The following ANO4 variants were observed in gnomAD, a reference collection of about 807,000 sequenced individuals.
ANO4 encodes anoctamin 4, also known as anoctamin-4.
A neutral mutation model predicts 141.9 loss-of-function variants in ANO4; 69 were observed. That is an observed-to-expected ratio of 0.49 (90% confidence interval 0.40 to 0.59). The LOEUF is 0.59. ANO4 is among the 20% of genes least tolerant of loss of function. The pLI, the probability that ANO4 is intolerant of heterozygous loss-of-function variation, is 0.00. For synonymous variants in ANO4, 350 were observed against 394.3 expected (o/e 0.89, Z 1.33); for missense variants, 894 against 1,162.2 (o/e 0.77, Z 3.36).
At chr12:101,000,511 G>A (rs139524515) in intron 8 of ANO4, among the ~76,000 whole-genome samples, 85 of 152,258 alleles carry the variant, frequency 5.6e-4, no homozygotes, top group African/African-American at 1.9e-3. Context: ...ATTGATTTAC[G>A]TAGGATTAAG....
At chr12:100,948,809 C>T (rs2042851525) in intron 5 of ANO4, among the ~76,000 whole-genome samples, 1 of 152,086 alleles carries the variant, frequency 6.6e-6, no homozygotes, top group African/African-American at 2.4e-5. Flanking sequence ...GGACCTGTGG[C>T]TTATATTTAA....
intron 17 of ANO4, among the ~76,000 whole-genome samples, chr12:101,090,662 G>A (rs904993608): frequency 6.6e-6 from 1 of 151,962 alleles, no homozygotes; most frequent in African/African-American, 2.4e-5. Context: ...ACGAGTTAAC[G>A]GGTGCAGCAC....
chr12:100,911,412 G>A (rs1286549316), intron 2 of ANO4, among the ~76,000 whole-genome samples: 1 of 152,174 alleles, frequency 6.6e-6, no homozygotes, highest in East Asian at 1.9e-4. Flanking sequence ...TAAAAGCCCT[G>A]CAGTAGCTCA....
chr12:100,993,359 G>GTA (rs1273948476), intron 8 of ANO4, among the ~76,000 whole-genome samples: 1 of 152,140 alleles, frequency 6.6e-6, no homozygotes, highest in Non-Finnish European at 1.5e-5. Flanking sequence ...AATTCTTATT[G>GTA]TATGCCAGAC....
At chr12:100,988,510 G>C (rs1396732571) in intron 8 of ANO4, among the ~76,000 whole-genome samples, 1 of 148,728 alleles carries the variant, frequency 6.7e-6, no homozygotes, top group Non-Finnish European at 1.5e-5. Context: ...CCATAAAAAT[G>C]ACTTACCTGG....
intron 14 of ANO4, among the ~76,000 whole-genome samples, chr12:101,061,881 T>C (rs1040235728): frequency 1.4e-4 from 21 of 152,092 alleles, no homozygotes; most frequent in African/African-American, 5.1e-4. Flanking sequence ...CCTACTTCTG[T>C]CAATTCGTCA....
chr12:100,837,462 T>G (rs2135795616), intron 1 of ANO4, among the ~76,000 whole-genome samples: 1 of 152,136 alleles, frequency 6.6e-6, no homozygotes, highest in South Asian at 2.1e-4. Flanking sequence ...CTAACAACTG[T>G]TTGGGAGATG....
intron 14 of ANO4, among the ~76,000 whole-genome samples, chr12:101,049,328 G>A (rs2047762253): frequency 6.6e-6 from 1 of 152,088 alleles, no homozygotes; most frequent in Non-Finnish European, 1.5e-5. Flanking sequence ...TCAGGCCCCA[G>A]CTGAAATGTC....
At chr12:100,860,051 G>A (rs1373878917) in intron 1 of ANO4, among the ~76,000 whole-genome samples, 1 of 152,018 alleles carries the variant, frequency 6.6e-6, no homozygotes, top group Admixed American at 6.6e-5. Context: ...AATTTTTCAG[G>A]CACAAAGAAG....
chr12:101,014,066 G>GT (rs962828027), intron 8 of ANO4, among the ~76,000 whole-genome samples: 1 of 152,032 alleles, frequency 6.6e-6, no homozygotes. Context: ...GAGAAACTAG[G>GT]TTTTTTTCAC....
chr12:100,740,856 T>A (rs1320963430), intron 3 of ANO4, among the ~76,000 whole-genome samples: 1 of 152,218 alleles, frequency 6.6e-6, no homozygotes, highest in African/African-American at 2.4e-5. Context: ...GCCACACTGA[T>A]TCATTTCTGT....
At chr12:101,068,499 G>A (rs547089432) in intron 14 of ANO4, 63 of 1,049,088 alleles carry the variant, frequency 6.0e-5, no homozygotes, top group Admixed American at 3.1e-4. Context: ...AGTAAAGATC[G>A]CAACTTTCAT....
At chr12:100,758,165 A>G (rs2032697436) in intron 3 of ANO4, among the ~76,000 whole-genome samples, 1 of 152,172 alleles carries the variant, frequency 6.6e-6, no homozygotes, top group Non-Finnish European at 1.5e-5. Context: ...TCAGAATTGC[A>G]CTGCTCATGG....
At chr12:101,094,364 C>T (rs2049896888) in intron 18 of ANO4, 72 bp downstream of exon 18, 2 of 1,238,078 alleles carry the variant, frequency 1.6e-6, no homozygotes, top group South Asian at 3.1e-5. Flanking sequence ...ATTCCTTTCT[C>T]TAATACTGCT....
At chr12:101,032,561 C>T (rs1394787151) in intron 9 of ANO4, among the ~76,000 whole-genome samples, 1 of 152,178 alleles carries the variant, frequency 6.6e-6, no homozygotes, top group Non-Finnish European at 1.5e-5. Flanking sequence ...TTTTCTCAAC[C>T]TACTCATCTG....
chr12:100,823,309 C>G (rs2036154809), intron 1 of ANO4, among the ~76,000 whole-genome samples: 1 of 151,900 alleles, frequency 6.6e-6, no homozygotes, highest in East Asian at 1.9e-4. Flanking sequence ...GTGCCAAATT[C>G]AGGAAGAAAA....
At chr12:101,115,074 A>C (rs2050801645) in intron 24 of ANO4, among the ~76,000 whole-genome samples, 1 of 152,210 alleles carries the variant, frequency 6.6e-6, no homozygotes, top group Non-Finnish European at 1.5e-5. Context: ...TGGAATAATC[A>C]TGCCAGACTT....
At chr12:100,725,395 G>A (rs1157039819) in intron 1 of ANO4, among the ~76,000 whole-genome samples, 1 of 137,656 alleles carries the variant, frequency 7.3e-6, no homozygotes, top group African/African-American at 2.8e-5. Flanking sequence ...CACCCAGGCT[G>A]GAGTGCAGTG....
chr12:101,083,420 T>A (rs1419649763), intron 15 of ANO4, among the ~76,000 whole-genome samples: 1 of 152,194 alleles, frequency 6.6e-6, no homozygotes, highest in Non-Finnish European at 1.5e-5. Flanking sequence ...GTTAGTTTTA[T>A]AAGATAACAG....
Sources: allele counts gnomAD v4.1 joint callset (sites outside exome capture counted in the v4.1 genomes callset), GRCh38; gene constraint gnomAD v4.1.1; transcripts MANE v1.5; gene names NCBI Gene and HGNC (gene_info 2026-07-23, HGNC 2026-07-21).